The following FSTL4 variants were observed in gnomAD, a reference collection of about 807,000 sequenced individuals.
The protein encoded by FSTL4 is follistatin-related protein 4.
FSTL4 carries 28 observed loss-of-function variants against 78.2 expected under a neutral mutation model. The observed-to-expected ratio is 0.36, with a 90% CI of 0.27 to 0.49. The LOEUF (loss-of-function observed/expected upper bound fraction) is 0.49, where lower values mean the gene tolerates loss of function less well. FSTL4 is among the 20% of genes least tolerant of loss of function. The pLI is 0.98. For synonymous variants in FSTL4, 422 were observed against 440.5 expected, an observed-to-expected ratio of 0.96 and a Z score of 0.53; for missense variants, 922 against 1,084.9, an observed-to-expected ratio of 0.85 and a Z score of 2.11.
chr5:133,265,573 A>C (rs954890010), intron 6 of FSTL4, among the ~76,000 whole-genome samples: 1 of 152,216 alleles, frequency 6.6e-6, no homozygotes, highest in Non-Finnish European at 1.5e-5. Flanking sequence ...AATTTCAATG[A>C]TCACAAAGGT....
chr5:133,398,302 T>C (rs1756126565), intron 4 of FSTL4, among the ~76,000 whole-genome samples: 1 of 152,126 alleles, frequency 6.6e-6, no homozygotes, highest in Non-Finnish European at 1.5e-5. Context: ...CAGCTGACCC[T>C]GAGGGTGAGG....
chr5:133,483,962 G>A (rs1466324355), intron 3 of FSTL4, among the ~76,000 whole-genome samples: 3 of 152,218 alleles, frequency 2.0e-5, no homozygotes, highest in East Asian at 3.9e-4. Context: ...CACTCCTGCT[G>A]TCTTTCTCTG....
intron 4 of FSTL4, among the ~76,000 whole-genome samples, chr5:133,331,221 G>T (rs963492576): frequency 1.5e-4 from 23 of 152,224 alleles, no homozygotes; most frequent in African/African-American, 5.5e-4. Context: ...GGCAGGGCAG[G>T]TGTGCCCTGA....
At chr5:133,691,018 C>T in the FSTL4 span, among the ~76,000 whole-genome samples, 1 of 152,320 alleles carries the variant, frequency 6.6e-6, no homozygotes, top group South Asian at 2.1e-4. Context: ...AAGCTCTGAG[C>T]TCGCAATCAT....
the FSTL4 span, among the ~76,000 whole-genome samples, chr5:133,796,149 C>T: frequency 2.0e-5 from 3 of 152,230 alleles, no homozygotes; most frequent in African/African-American, 7.2e-5. Context: ...ATCTGTGCTA[C>T]TGGAATGGGA....
At chr5:133,357,124 T>C (rs4958088) in intron 4 of FSTL4, among the ~76,000 whole-genome samples, 22,014 of 152,222 alleles carry the variant, frequency 0.14, 1,864 homozygotes, top group East Asian at 0.37. Flanking sequence ...CTGGTCAGTG[T>C]GGCTAGATCA....
intron 8 of FSTL4, 77 bp downstream of exon 8, chr5:133,233,340 G>T: frequency 6.7e-7 from 1 of 1,488,660 alleles, no homozygotes; most frequent in Non-Finnish European, 9.3e-7. Flanking sequence ...ACAGAATACA[G>T]GAGGGGGCGA....
chr5:133,414,518 C>A (rs1282279125), intron 3 of FSTL4, among the ~76,000 whole-genome samples: 1 of 152,190 alleles, frequency 6.6e-6, no homozygotes, highest in Non-Finnish European at 1.5e-5. Context: ...TTGGCAAAAG[C>A]CCTCAAGGTA....
chr5:133,722,661 G>A, the FSTL4 span, among the ~76,000 whole-genome samples: 41 of 152,226 alleles, frequency 2.7e-4, no homozygotes, highest in East Asian at 2.7e-3. Flanking sequence ...ACTTTTCCTT[G>A]CTTTTTCTTA....
chr5:133,485,840 C>A (rs139317543), intron 3 of FSTL4, among the ~76,000 whole-genome samples: 310 of 152,340 alleles, frequency 2.0e-3, no homozygotes, highest in Middle Eastern at 0.01. Flanking sequence ...TGTACATGGA[C>A]ATGTTTTGTT....
At chr5:133,795,974 T>G in the FSTL4 span, among the ~76,000 whole-genome samples, 3 of 152,276 alleles carry the variant, frequency 2.0e-5, no homozygotes, top group Non-Finnish European at 4.4e-5. Context: ...TTGCTCAGTG[T>G]CCAACGTCCC....
chr5:133,623,536 C>T, the FSTL4 span, among the ~76,000 whole-genome samples: 1 of 151,938 alleles, frequency 6.6e-6, no homozygotes, highest in African/African-American at 2.4e-5. Context: ...GAGCTAAAAA[C>T]CTAAACTCTT....
chr5:133,467,259 T>A (rs753324079), intron 3 of FSTL4, among the ~76,000 whole-genome samples: 22 of 143,948 alleles, frequency 1.5e-4, no homozygotes, highest in Non-Finnish European at 2.8e-4. Flanking sequence ...TATATGTGAG[T>A]GTGTGTGTGT....
chr5:133,791,548 A>T, the FSTL4 span, among the ~76,000 whole-genome samples: 1 of 152,198 alleles, frequency 6.6e-6, no homozygotes, highest in Non-Finnish European at 1.5e-5. Context: ...GAGCTGAGCC[A>T]TTCACTCACA....
At chr5:133,648,903 G>T in the FSTL4 span, among the ~76,000 whole-genome samples, 1 of 152,026 alleles carries the variant, frequency 6.6e-6, no homozygotes, top group Non-Finnish European at 1.5e-5. Context: ...TCACATTAGG[G>T]TTCACTCTTG....
chr5:133,380,274 A>G (rs1272180484), intron 4 of FSTL4, among the ~76,000 whole-genome samples: 3 of 151,974 alleles, frequency 2.0e-5, no homozygotes, highest in Non-Finnish European at 4.4e-5. Context: ...AAAAAAATCA[A>G]CAAAATTGAC....
At chr5:133,729,397 C>T in the FSTL4 span, among the ~76,000 whole-genome samples, 8 of 152,150 alleles carry the variant, frequency 5.3e-5, no homozygotes, top group Non-Finnish European at 1.2e-4. Flanking sequence ...ATTTGTAAAA[C>T]AGGTATAATA....
intron 3 of FSTL4, among the ~76,000 whole-genome samples, chr5:133,420,333 G>A (rs1006490148): frequency 6.6e-6 from 1 of 152,176 alleles, no homozygotes; most frequent in Non-Finnish European, 1.5e-5. Context: ...TACATGTGCT[G>A]AATATCATTG....
chr5:133,750,730 A>C, the FSTL4 span, among the ~76,000 whole-genome samples: 1 of 152,066 alleles, frequency 6.6e-6, no homozygotes, highest in African/African-American at 2.4e-5. Flanking sequence ...ACACCCCCAG[A>C]TGTGGGATCC....
Sources: allele counts gnomAD v4.1 joint callset (sites outside exome capture counted in the v4.1 genomes callset), GRCh38; gene constraint gnomAD v4.1.1; transcripts MANE v1.5; gene names NCBI Gene and HGNC (gene_info 2026-07-23, HGNC 2026-07-21).